The following ZDHHC19 variants were observed in gnomAD, a reference collection of about 807,000 sequenced individuals.
ZDHHC19 encodes the protein zDHHC palmitoyltransferase 19, also known as palmitoyltransferase ZDHHC19.
Under a neutral mutation model 33.9 loss-of-function variants are expected in ZDHHC19, and 30 were observed. The ratio of observed to expected loss-of-function variants is 0.88; its 90% CI spans 0.66 to 1.20. ZDHHC19 has a LOEUF of 1.20. Ranked by LOEUF, ZDHHC19 falls within the 50% of genes most tolerant of loss-of-function variation. The pLI is 0.00. For missense variants in ZDHHC19, 364 were observed against 401.1 expected, an observed-to-expected ratio of 0.91 and a Z score of 0.79; for synonymous variants, 178 against 167.6, an observed-to-expected ratio of 1.06 and a Z score of -0.48.
chr3:196,202,193 C>T (rs1046550819), intron 5 of ZDHHC19, among the ~76,000 whole-genome samples: 11 of 152,072 alleles, frequency 7.2e-5, no homozygotes, highest in Admixed American at 1.3e-4. Flanking sequence ...TGGTGGTGCA[C>T]GCCCGTAGTT....
At chr3:196,209,665 G>C (rs1464101822) in intron 2 of ZDHHC19, 150 bp from the exon 3 acceptor site, 1 of 1,070,696 alleles carries the variant, frequency 9.3e-7, no homozygotes, top group Admixed American at 2.8e-5. Flanking sequence ...TCCAAGCTCA[G>C]AGAGGATGGC....
intron 6 of ZDHHC19, 88 bp downstream of exon 6, chr3:196,198,701 G>A (rs1233378470): frequency 1.7e-5 from 27 of 1,604,232 alleles, no homozygotes; most frequent in East Asian, 2.2e-5. Context: ...GAGTGTAAGG[G>A]CCTGGGGCTG....
At chr3:196,200,097 C>T (rs1577313603) in intron 5 of ZDHHC19, among the ~76,000 whole-genome samples, 1 of 151,314 alleles carries the variant, frequency 6.6e-6, no homozygotes, top group Admixed American at 6.6e-5. Flanking sequence ...CAAGACCAGC[C>T]TGAGACTTTC....
chr3:196,199,860 G>T (rs56850780), intron 5 of ZDHHC19, among the ~76,000 whole-genome samples: 19,750 of 151,830 alleles, frequency 0.13, 2,111 homozygotes, highest in African/African-American at 0.27. Flanking sequence ...CAGAAGAATC[G>T]CTTGAACCCG....
chr3:196,208,468 G>A lies in ZDHHC19; in HGVS notation c.501C>T (p.Tyr167=), dbSNP rs544224608. The change falls in exon 4 of 8, where the codon TAC becomes TAT. Residue 167 remains tyrosine, a synonymous_variant. Transcript: ENST00000296326. ...FMLLVLSLCL[Y]SGAMLVTCLI... is the part of the protein sequence containing the mutation. Reference sequence around the variant, plus strand: ...GACAGGTGACCAGCATGGCGCCCGAGTAGAGGCACAGGGACAGGACAAGCA... The same window carrying A: ...GACAGGTGACCAGCATGGCGCCCGAATAGAGGCACAGGGACAGGACAAGCA... 2 of 1,614,210 alleles carry A rather than the reference G, an allele frequency of 1.2e-6. No individual in the cohort carries two copies. The highest frequency in any genetic ancestry group is 1.1e-5 in the South Asian group (1 of 91,092).
intron 5 of ZDHHC19, 159 bp from the exon 6 acceptor site, chr3:196,199,033 C>T: frequency 1.6e-6 from 1 of 612,906 alleles, no homozygotes; most frequent in Non-Finnish European, 2.9e-6. Context: ...CACCACTGCC[C>T]CATCCTCCTC....
chr3:196,201,279 G>A (rs911308377), intron 5 of ZDHHC19, among the ~76,000 whole-genome samples: 6 of 151,386 alleles, frequency 4.0e-5, no homozygotes, highest in African/African-American at 1.2e-4. Flanking sequence ...CACTGTGTTG[G>A]CCAGTCTCGA....
At chr3:196,201,194 TCCCAAGTAGCTG>T (rs1337563839) in intron 5 of ZDHHC19, among the ~76,000 whole-genome samples, 2 of 151,496 alleles carry the variant, frequency 1.3e-5, no homozygotes, top group Non-Finnish European at 2.9e-5. Flanking sequence ...TGCTTCAGCC[TCCCAAGTAGCTG>T]GGATTACAGG....
rs1314786815 is a variant in ZDHHC19 at position 196,198,848 on chromosome 3, G to A, written c.714C>T (p.Pro238=). 1 of 1,614,080 alleles carries A rather than the reference G, an allele frequency of 6.2e-7. No homozygotes were observed. The highest frequency in any genetic ancestry group is 8.5e-7 in the Non-Finnish European group (1 of 1,179,982). ...GKCRHLQGYN[P]FDQGCASNWY... ...AGTTGCTGGCACAGCCCTGGTCGAA[G>A]GGGTTGTATCCCTGAAGGTGTCTGC... Residue 238 remains proline, a synonymous_variant, in exon 6 of 8, where the codon CCC becomes CCT. Transcript: ENST00000296326.
chr3:196,198,166 T>A, intron 7 of ZDHHC19, 110 bp downstream of exon 7: 1 of 1,123,308 alleles, frequency 8.9e-7, no homozygotes, highest in Non-Finnish European at 1.2e-6. Context: ...CTCGGAGCGC[T>A]CCAGCTTCAG....
chr3:196,200,394 A>G lies in ZDHHC19; in HGVS notation c.688-1520T>C, dbSNP rs78531143. ...TTTTGAGATGGAGTCTTGCTCTGTC[A>G]CCCAGGCTGGAGTGCAGTGGCGCGA... is the stretch of plus-strand genomic sequence containing the variant. On this transcript the variant is annotated intron_variant, in intron 5 of 7. Coordinates refer to ENST00000296326, the MANE Select transcript of ZDHHC19 (RefSeq NM_001039617.2). 3.6e-3 allele frequency among the ~76,000 whole-genome samples: 509 copies of G among 142,520 alleles called. 5 individuals are homozygous for G. Among genetic ancestry groups the G allele is most frequent in the Middle Eastern group, 0.012 (3 of 258 alleles). The allele number at this position is 142,520 out of a possible 152,430, so 93.5% of individuals were successfully genotyped here.
intron 4 of ZDHHC19, 37 bp from the exon 5 acceptor site, chr3:196,207,540 C>A (rs1465553327): frequency 6.7e-7 from 1 of 1,485,952 alleles, no homozygotes; most frequent in Non-Finnish European, 9.0e-7. Flanking sequence ...GGGACCCCCA[C>A]GCCTGGCCCC....
intron 5 of ZDHHC19, among the ~76,000 whole-genome samples, chr3:196,201,551 G>A (rs1480746893): frequency 6.6e-6 from 1 of 151,150 alleles, no homozygotes; most frequent in Non-Finnish European, 1.5e-5. Context: ...GGAAGAACCC[G>A]GTCTACTAAA....
chr3:196,211,381 C>G lies in ZDHHC19; in HGVS notation c.-66G>C, dbSNP rs1266229825. 1.3e-6 allele frequency: 2 copies of G among 1,532,782 alleles called. No homozygotes were observed. The highest frequency in any genetic ancestry group is 1.8e-6 in the Non-Finnish European group (2 of 1,141,462). 94.9% of individuals were successfully genotyped at this position (1,532,782 alleles called of 1,614,324 possible). On this transcript the variant is annotated 5_prime_UTR_variant, in exon 1 of 8. Transcript: ENST00000296326. ...AGGCTTCCTCCCCCAGCCCAGCTTC[C>G]AGAGCTCCATGGCCACGGCAGCCTC...
Position 196,198,205 on chromosome 3 carries a change from C to T in ZDHHC19, c.*19+71G>A, listed in dbSNP as rs191209609. 159 of 1,361,646 alleles carry T rather than the reference C, an allele frequency of 1.2e-4. No homozygotes were observed. The Admixed American group carries it at 3.4e-3, about 29-fold the overall frequency. 84.3% of individuals were successfully genotyped at this position (1,361,646 alleles called of 1,614,324 possible). A position where few individuals can be genotyped will look rare whatever the true frequency, so the allele number is the denominator to read the frequency against. On this transcript the variant is annotated intron_variant, in intron 7 of 7. Coordinates refer to ENST00000296326, the MANE Select transcript of ZDHHC19 (RefSeq NM_001039617.2). ...CAGCCAAACCTCAGGGGCCTCCCCC[C>T]ACACCCTCACAACCTGCAGACACCC...
In ZDHHC19 at chr3:196,210,554, C is replaced by T. The variant is rs371463734; in HGVS notation, c.268+62G>A. 8 of 1,607,206 alleles carry T rather than the reference C, an allele frequency of 5.0e-6. No individual in the cohort carries two copies. In the African/African-American group the frequency reaches 8.0e-5, roughly 16 times the overall value. On this transcript the variant is annotated intron_variant, in intron 2 of 7. Coordinates refer to ENST00000296326, the MANE Select transcript of ZDHHC19 (RefSeq NM_001039617.2). The stretch of plus-strand genomic sequence containing the variant: ...TCAGTAGGAAGAGCACTTTAGGAAT[C>T]CCCCCTGCAGGTTCCCAGCCCTTGA...
chr3:196,203,049 C>T lies in ZDHHC19; in HGVS notation c.688-4175G>A, dbSNP rs1722485131. Among the ~76,000 whole-genome samples, 1 of 151,998 alleles carries T rather than the reference C, an allele frequency of 6.6e-6. No individual in the cohort carries two copies. On this transcript the variant is annotated intron_variant, in intron 5 of 7. Transcript: ENST00000296326. This position sits in a 1 kb window ranked among gnomAD's most constrained non-coding sequence, Gnocchi z 4.3. ...CCGAGGCGAGTGGCTCACCTGAGGTCAGGAGTTCGAGACCAGCCTGGCCAA... is the reference window on the plus strand; with the variant it reads ...CCGAGGCGAGTGGCTCACCTGAGGTTAGGAGTTCGAGACCAGCCTGGCCAA...
rs13078588 is a variant in ZDHHC19 at position 196,210,432 on chromosome 3, A to G, written c.268+184T>C. Among the ~76,000 whole-genome samples, 8 of 127,342 alleles carry G rather than the reference A, an allele frequency of 6.3e-5. No individual in the cohort carries two copies. In the East Asian group the frequency reaches 6.4e-4, roughly 10 times the overall value. 83.5% of individuals were successfully genotyped at this position (127,342 alleles called of 152,430 possible). ...GAGAGAGGAAGGAAGGAAAGAAAGAAAGAGAAAGAAAGAAAGAAAAGAGAA... is the reference window on the plus strand; with the variant it reads ...GAGAGAGGAAGGAAGGAAAGAAAGAGAGAGAAAGAAAGAAAGAAAAGAGAA... On this transcript the variant is annotated intron_variant, in intron 2 of 7. Coordinates refer to ENST00000296326, the MANE Select transcript of ZDHHC19 (RefSeq NM_001039617.2).
intron 5 of ZDHHC19, among the ~76,000 whole-genome samples, chr3:196,205,529 G>A (rs1049894157): frequency 6.6e-6 from 1 of 152,166 alleles, no homozygotes; most frequent in African/African-American, 2.4e-5. Context: ...TTTTTGGGTG[G>A]GATGGACCTG....
Sources: allele counts gnomAD v4.1 joint callset (sites outside exome capture counted in the v4.1 genomes callset), GRCh38; gene constraint gnomAD v4.1.1; non-coding constraint Gnocchi (gnomAD v3.1); transcripts MANE v1.5; gene names NCBI Gene and HGNC (gene_info 2026-07-23, HGNC 2026-07-21).